GLT8D2: variants seen among roughly 807,000 people sequenced by gnomAD.
The protein encoded by GLT8D2 is glycosyltransferase 8 domain-containing protein 2.
In GLT8D2, 45 loss-of-function variants were observed where a neutral mutation model predicts 44.5. That is an observed-to-expected ratio of 1.01 (90% confidence interval 0.80 to 1.30). The LOEUF is 1.30. Among genes scored for constraint, GLT8D2 ranks in the 50% most tolerant of loss-of-function variants. The pLI is 0.00. For synonymous variants in GLT8D2, 156 were observed against 157.2 expected, an observed-to-expected ratio of 0.99 and a Z score of 0.06; for missense variants, 400 against 430.4, an observed-to-expected ratio of 0.93 and a Z score of 0.62.
intron 1 of GLT8D2, among the ~76,000 whole-genome samples, chr12:104,024,548 T>C (rs1373937191): frequency 2.0e-5 from 3 of 152,234 alleles, no homozygotes; most frequent in Non-Finnish European, 1.5e-5. Context: ...TGTGTTCTTG[T>C]CAGCACTTGG....
rs1239571388 is a variant in GLT8D2 at position 104,012,189 on chromosome 12, A to ATATATAT, written c.112+2823_112+2824insATATATA. On this transcript the variant is annotated intron_variant, in intron 4 of 10. Transcript: ENST00000360814. The stretch of plus-strand genomic sequence containing the variant: ...CTGTCTCAAAAAAAAAAAAAAAAAA[A>ATATATAT]ATATATATATATATATATATATACC... Among the ~76,000 whole-genome samples, 15 of 98,440 alleles carry ATATATAT rather than the reference A, an allele frequency of 1.5e-4. 1 individual carries two copies. The highest frequency in any genetic ancestry group is 6.6e-4 in the South Asian group (2 of 3,016). The allele number at this position is 98,440 out of a possible 152,430, so 64.6% of individuals were successfully genotyped here.
intron 1 of GLT8D2, among the ~76,000 whole-genome samples, chr12:104,038,436 C>A (rs188230996): frequency 0.012 from 1,841 of 152,320 alleles, 45 homozygotes; most frequent in African/African-American, 0.042. Context: ...TGATAAGCAA[C>A]TTCAGCAAAG....
chr12:104,051,399 C>T (rs543670248), upstream of GLT8D2, among the ~76,000 whole-genome samples: 1 of 152,140 alleles, frequency 6.6e-6, no homozygotes, highest in Non-Finnish European at 1.5e-5. Flanking sequence ...CATTTCAACA[C>T]ATAATATAAA....
At chr12:104,020,334 C>T (rs1877469474) in intron 2 of GLT8D2, among the ~76,000 whole-genome samples, 1 of 152,088 alleles carries the variant, frequency 6.6e-6, no homozygotes, top group South Asian at 2.1e-4. Context: ...AAAATATCAA[C>T]CCTATGCCAT....
At chr12:104,004,918 C>A (rs370796720) in intron 4 of GLT8D2, among the ~76,000 whole-genome samples, 8 of 152,056 alleles carry the variant, frequency 5.3e-5, no homozygotes, top group Non-Finnish European at 8.8e-5. Flanking sequence ...GAGCCCGCAT[C>A]GCCAAGTCAA....
upstream of GLT8D2, among the ~76,000 whole-genome samples, chr12:104,052,920 CCATT>C (rs1881845913): frequency 6.6e-6 from 1 of 152,188 alleles, no homozygotes; most frequent in South Asian, 2.1e-4. Flanking sequence ...AAGCACAATT[CCATT>C]CAAACATTTA....
At chr12:104,014,517 C>T (rs1205350227) in intron 4 of GLT8D2, among the ~76,000 whole-genome samples, 4 of 152,068 alleles carry the variant, frequency 2.6e-5, no homozygotes, top group Non-Finnish European at 5.9e-5. Context: ...GACCACAGGG[C>T]CAATGAAGGG....
intron 10 of GLT8D2, among the ~76,000 whole-genome samples, chr12:103,990,080 TATATATATATATATATA>T (rs1566187497): frequency 7.8e-3 from 2 of 256 alleles, no homozygotes; most frequent in African/African-American, 0.026. Context: ...TGTGTACAAA[TATATATATATATATATA>T]TATATATATA....
At chr12:104,029,873 T>C (rs1879046441) in intron 1 of GLT8D2, 1 of 152,096 alleles carries the variant, frequency 6.6e-6, no homozygotes, top group African/African-American at 2.4e-5. Context: ...AAAAAAGTGA[T>C]GGGGGTTGAA....
intron 1 of GLT8D2, among the ~76,000 whole-genome samples, chr12:104,043,332 G>A (rs1309428219): frequency 6.6e-6 from 1 of 152,096 alleles, no homozygotes; most frequent in Non-Finnish European, 1.5e-5. Context: ...CATCTCACAT[G>A]GATTCCAGAC....
chr12:104,019,619 T>G lies in GLT8D2; in HGVS notation c.19+11A>C. On this transcript the variant is annotated intron_variant, in intron 3 of 10. Coordinates refer to ENST00000360814, the MANE Select transcript of GLT8D2 (RefSeq NM_001384711.1). ...TTTTTAAATCATTATTTTCAAAAGT[T>G]GAAATCTTACTTTTTCGTAACAGAG... is the stretch of plus-strand genomic sequence containing the variant. 1 of 1,604,422 alleles carries G rather than the reference T, an allele frequency of 6.2e-7. No homozygotes were observed.
intron 4 of GLT8D2, among the ~76,000 whole-genome samples, 181 bp from the exon 5 acceptor site, chr12:104,003,487 T>G (rs956877399): frequency 6.6e-6 from 1 of 152,006 alleles, no homozygotes; most frequent in Non-Finnish European, 1.5e-5. Flanking sequence ...AGCTGGTACA[T>G]AGCCAACCAC....
At chr12:104,018,585 C>T (rs965157554) in intron 3 of GLT8D2, among the ~76,000 whole-genome samples, 1 of 152,130 alleles carries the variant, frequency 6.6e-6, no homozygotes, top group Non-Finnish European at 1.5e-5. Flanking sequence ...TAATATTCAC[C>T]TGCCACGGCC....
At chr12:104,047,981 C>T (rs1326242611) in intron 1 of GLT8D2, among the ~76,000 whole-genome samples, 2 of 152,196 alleles carry the variant, frequency 1.3e-5, no homozygotes, top group South Asian at 4.1e-4. Context: ...TTTAATACTG[C>T]AACAGCAGAG....
At position 103,997,536 on chromosome 12, in the gene GLT8D2, C is replaced by T. The variant is rs1213865817; in HGVS notation, c.403-1G>A. 12 of 1,610,936 alleles carry T rather than the reference C, an allele frequency of 7.4e-6. No individual in the cohort carries two copies. Among genetic ancestry groups the T allele is most frequent in the Non-Finnish European group, 9.3e-6 (11 of 1,177,182 alleles). ...GGAGATAAAATCGAACAAAGTTCAG[C>T]TGTTAAAACGACAAAAGAAATGATG... On this transcript the variant is annotated splice_acceptor_variant, in intron 6 of 10. Transcript: ENST00000360814. LOFTEE classifies it high-confidence loss of function.
At chr12:104,036,007 G>A (rs1368673842) in intron 1 of GLT8D2, among the ~76,000 whole-genome samples, 1 of 152,100 alleles carries the variant, frequency 6.6e-6, no homozygotes, top group East Asian at 1.9e-4. Context: ...AGAGTGGGGG[G>A]CAATATTCAA....
At chr12:104,006,445 T>C (rs951933284) in intron 4 of GLT8D2, among the ~76,000 whole-genome samples, 1 of 152,216 alleles carries the variant, frequency 6.6e-6, no homozygotes, top group Non-Finnish European at 1.5e-5. Flanking sequence ...CAACTGAAGT[T>C]TGTGCAGAAC....
At chr12:104,011,121 C>T (rs752753041) in intron 4 of GLT8D2, among the ~76,000 whole-genome samples, 1 of 152,160 alleles carries the variant, frequency 6.6e-6, no homozygotes, top group Non-Finnish European at 1.5e-5. Flanking sequence ...CAAAAAGTTC[C>T]CCCTGGACAG....
chr12:104,038,371 G>A (rs543563819), intron 1 of GLT8D2, among the ~76,000 whole-genome samples: 5 of 152,308 alleles, frequency 3.3e-5, no homozygotes, highest in African/African-American at 7.2e-5. Context: ...GTTTGCAGAT[G>A]ACATGATTGT....
Sources: allele counts gnomAD v4.1 joint callset (sites outside exome capture counted in the v4.1 genomes callset), GRCh38; gene constraint gnomAD v4.1.1; transcripts MANE v1.5; gene names NCBI Gene and HGNC (gene_info 2026-07-23, HGNC 2026-07-21).